The following RIC3 variants were observed in gnomAD, a reference collection of about 807,000 sequenced individuals.
The protein encoded by RIC3 is protein RIC-3.
In RIC3, 28 loss-of-function variants were observed where a neutral mutation model predicts 27.3. That is an observed-to-expected ratio of 1.02 (90% confidence interval 0.76 to 1.41). The LOEUF is 1.41. Among genes scored for constraint, RIC3 ranks in the 40% most tolerant of loss-of-function variants. The probability of loss-of-function intolerance (pLI) is 0.00; values close to 1 mark genes in which losing one functional copy is unlikely to be tolerated. For missense variants in RIC3, 501 were observed against 444.7 expected (o/e 1.13, Z -1.14); for synonymous variants, 184 against 160.4 (o/e 1.15, Z -1.11).
intron 5 of RIC3, among the ~76,000 whole-genome samples, chr11:8,122,648 T>C (rs1198830974): frequency 6.6e-6 from 1 of 152,152 alleles, no homozygotes; most frequent in Non-Finnish European, 1.5e-5. Flanking sequence ...GGACAAATTA[T>C]GGTATAAGCA....
At position 8,108,311 on chromosome 11, in the gene RIC3, G is replaced by A. The variant is rs915536267; in HGVS notation, c.*2387C>T. The A allele has an allele frequency of 7.9e-5, 12 of 152,108 alleles. No homozygotes were observed. The highest frequency in any genetic ancestry group is 2.9e-4 in the African/African-American group (12 of 41,422). 9.4% of individuals were successfully genotyped at this position (152,108 alleles called of 1,614,324 possible). A position where few individuals can be genotyped will look rare whatever the true frequency, so the allele number is the denominator to read the frequency against. Reference sequence around the variant, plus strand: ...GTCCTCTCTTCTTTGCCTACCTGAAGAAGTTCTTTGCATGCCTCAAGGCCC... The same window carrying A: ...GTCCTCTCTTCTTTGCCTACCTGAAAAAGTTCTTTGCATGCCTCAAGGCCC... On this transcript the variant is annotated 3_prime_UTR_variant, in exon 6 of 6. Transcript: ENST00000309737.
intron 5 of RIC3, among the ~76,000 whole-genome samples, chr11:8,116,441 T>G (rs1223648573): frequency 6.7e-6 from 1 of 148,356 alleles, no homozygotes; most frequent in Non-Finnish European, 1.5e-5. Context: ...ATGGGATTAC[T>G]GAAAGTTTCT....
At chr11:8,116,884 T>C (rs1331433110) in intron 5 of RIC3, among the ~76,000 whole-genome samples, 1 of 152,176 alleles carries the variant, frequency 6.6e-6, no homozygotes, top group Admixed American at 6.5e-5. Context: ...AACTATCATA[T>C]GATCCAGTAA....
chr11:8,167,604 T>C (rs374043367), intron 1 of RIC3, among the ~76,000 whole-genome samples: 3 of 139,976 alleles, frequency 2.1e-5, no homozygotes, highest in Non-Finnish European at 4.6e-5. Context: ...TCACAGTCAA[T>C]AGTACTTGTT....
the RIC3 span, chr11:8,094,275 G>A: frequency 5.5e-6 from 8 of 1,450,890 alleles, no homozygotes; most frequent in South Asian, 7.1e-5. Context: ...GACTTGGAGG[G>A]GAGGGATAGG....
At position 8,110,963 on chromosome 11, in the gene RIC3, G is replaced by A. The variant is rs749020968; in HGVS notation, c.845C>T (p.Pro282Leu). The stretch of plus-strand genomic sequence containing the variant: ...ATCTTCCTGGGCTCTGGGGTCAGTG[G>A]GCAGACTTTCCCAACCCAAATGATC... The part of the protein sequence containing the change: ...ESDHLGWESL[P>L]TDPRAQEDNS... Residue 282 changes from proline (P) to leucine (L), a missense_variant, in exon 6 of 6, where the codon CCC becomes CTC. Physicochemically the swap from Pro to Leu is moderately conservative, Grantham distance 98. Coordinates refer to ENST00000309737, the MANE Select transcript of RIC3 (RefSeq NM_001206671.4). 5.0e-6 allele frequency: 8 copies of A among 1,614,002 alleles called. No individual in the cohort carries two copies. The highest frequency in any genetic ancestry group is 5.9e-6 in the Non-Finnish European group (7 of 1,180,038).
At chr11:8,156,330 T>C (rs1282043349) in intron 1 of RIC3, among the ~76,000 whole-genome samples, 2 of 152,246 alleles carry the variant, frequency 1.3e-5, no homozygotes, top group Non-Finnish European at 2.9e-5. Context: ...GTTAAGATTA[T>C]GGCTGTGCCT....
At chr11:8,152,052 T>C (rs1422349452) in intron 1 of RIC3, among the ~76,000 whole-genome samples, 5 of 152,112 alleles carry the variant, frequency 3.3e-5, no homozygotes, top group African/African-American at 1.2e-4. Flanking sequence ...CACGAGGAGA[T>C]ACCACTTCAC....
chr11:8,101,844 A>AG, downstream of RIC3: 2 of 531,632 alleles, frequency 3.8e-6, no homozygotes, highest in South Asian at 4.4e-5. Context: ...GGATGAGAAT[A>AG]ATTCTTTCCA....
At chr11:8,151,826 G>A (rs1017327053) in intron 1 of RIC3, among the ~76,000 whole-genome samples, 5 of 150,272 alleles carry the variant, frequency 3.3e-5, no homozygotes, top group Admixed American at 6.7e-5. Context: ...TGAGGCAGGA[G>A]AATCGCTTGA....
intron 5 of RIC3, among the ~76,000 whole-genome samples, chr11:8,113,239 G>T (rs902984003): frequency 2.0e-5 from 3 of 152,198 alleles, no homozygotes; most frequent in Non-Finnish European, 4.4e-5. Flanking sequence ...TTGCTGGCAT[G>T]TCCCTGTCTT....
At chr11:8,148,906 C>T (rs750829461) in intron 1 of RIC3, among the ~76,000 whole-genome samples, 7 of 151,436 alleles carry the variant, frequency 4.6e-5, no homozygotes, top group South Asian at 2.1e-4. Flanking sequence ...GTTGGCTGGG[C>T]GCAGTGGCTC....
chr11:8,101,813 A>T, downstream of RIC3: 4 of 876,668 alleles, frequency 4.6e-6, no homozygotes, highest in Non-Finnish European at 3.3e-6. Context: ...AGTAGTGGAG[A>T]GCGGGTGGGT....
At chr11:8,120,674 A>T (rs1049029770) in intron 5 of RIC3, among the ~76,000 whole-genome samples, 2 of 152,158 alleles carry the variant, frequency 1.3e-5, no homozygotes, top group Non-Finnish European at 2.9e-5. Flanking sequence ...CTTAAAGTAT[A>T]ATAATAAAAA....
At chr11:8,146,396 T>C (rs2134024417) in intron 1 of RIC3, among the ~76,000 whole-genome samples, 1 of 152,200 alleles carries the variant, frequency 6.6e-6, no homozygotes, top group South Asian at 2.1e-4. Context: ...TAGGTGCATA[T>C]GAATAGGAAA....
At chr11:8,117,307 C>T (rs543778841) in intron 5 of RIC3, among the ~76,000 whole-genome samples, 3 of 152,198 alleles carry the variant, frequency 2.0e-5, no homozygotes, top group African/African-American at 4.8e-5. Flanking sequence ...TCAAGCAATC[C>T]ACCTGCCTCG....
rs1944645378 is a variant in RIC3 at position 8,106,313 on chromosome 11, A to T, written c.*4385T>A. The T allele has an allele frequency of 6.6e-6, 1 of 152,200 alleles. No homozygotes were observed. The allele number at this position is 152,200 out of a possible 1,614,324, so 9.4% of individuals were successfully genotyped here. On this transcript the variant is annotated 3_prime_UTR_variant, in exon 6 of 6. Transcript: ENST00000309737. ...TTCCTAATTTTTTTCTATACCTTTC[A>T]TTCATTGTTTCCTAGGAGCCTCAGG...
At chr11:8,104,493 T>TA (rs1036668723), downstream of RIC3, 1 of 152,246 alleles carries the variant, frequency 6.6e-6, no homozygotes, top group African/African-American at 2.4e-5. Flanking sequence ...AACTGAGGTT[T>TA]CTTAATTGTG....
intron 1 of RIC3, among the ~76,000 whole-genome samples, chr11:8,141,802 A>G (rs1335269643): frequency 6.6e-6 from 1 of 152,210 alleles, no homozygotes; most frequent in African/African-American, 2.4e-5. Context: ...AGCAAATGTA[A>G]AAGAACAGAG....
Sources: allele counts gnomAD v4.1 joint callset (sites outside exome capture counted in the v4.1 genomes callset), GRCh38; gene constraint gnomAD v4.1.1; transcripts MANE v1.5; gene names NCBI Gene and HGNC (gene_info 2026-07-23, HGNC 2026-07-21).